Variants in MCUB observed in about 807,000 individuals in gnomAD.
The protein encoded by MCUB is calcium uniporter regulatory subunit MCUb, mitochondrial.
Under a neutral mutation model 41.4 loss-of-function variants are expected in MCUB, and 46 were observed. The observed-to-expected ratio is 1.11, with a 90% CI of 0.88 to 1.42. The LOEUF (loss-of-function observed/expected upper bound fraction) is 1.42. Ranked by LOEUF, MCUB falls within the 40% of genes most tolerant of loss-of-function variation. The pLI, the probability that MCUB is intolerant of heterozygous loss-of-function variation, is 0.00. For synonymous variants in MCUB, 148 were observed against 148.2 expected, an observed-to-expected ratio of 1.00 and a Z score of 0.01; for missense variants, 403 against 404.9, an observed-to-expected ratio of 1.00 and a Z score of 0.04.
intron 1 of MCUB, among the ~76,000 whole-genome samples, chr4:109,597,958 G>A (rs1238197932): frequency 6.7e-6 from 1 of 149,920 alleles, no homozygotes; most frequent in Non-Finnish European, 1.5e-5. Flanking sequence ...TCCCAGATGG[G>A]GCGGCGGGGC....
At chr4:109,658,914 T>G in intron 1 of MCUB, 97 bp from the exon 2 acceptor site, 1 of 772,392 alleles carries the variant, frequency 1.3e-6, no homozygotes, top group Non-Finnish European at 2.2e-6. Flanking sequence ...ATGCTTTTCA[T>G]ATAGTATTAA....
At chr4:109,654,727 C>T (rs563414704) in intron 1 of MCUB, among the ~76,000 whole-genome samples, 36 of 152,286 alleles carry the variant, frequency 2.4e-4, no homozygotes, top group African/African-American at 8.7e-4. Context: ...TTCTCAGTTA[C>T]TTCTTGTTTT....
intron 1 of MCUB, among the ~76,000 whole-genome samples, chr4:109,561,984 G>T (rs1021425235): frequency 1.4e-4 from 22 of 152,068 alleles, no homozygotes; most frequent in Non-Finnish European, 2.8e-4. Context: ...AACTCCTGAC[G>T]TTGTGATCCG....
At chr4:109,627,786 A>G (rs1202983444) in intron 1 of MCUB, among the ~76,000 whole-genome samples, 1 of 151,962 alleles carries the variant, frequency 6.6e-6, no homozygotes, top group Non-Finnish European at 1.5e-5. Flanking sequence ...GGTGGTGCGC[A>G]CCTGTAATCC....
chr4:109,624,815 T>G (rs548380051), intron 1 of MCUB, among the ~76,000 whole-genome samples: 3 of 152,122 alleles, frequency 2.0e-5, no homozygotes, highest in African/African-American at 7.2e-5. Flanking sequence ...CAGAGAAATA[T>G]ATAATGAAAA....
intron 1 of MCUB, among the ~76,000 whole-genome samples, chr4:109,606,213 A>T (rs1445357901): frequency 6.6e-6 from 1 of 151,996 alleles, no homozygotes; most frequent in African/African-American, 2.4e-5. Flanking sequence ...TGACCTCGTG[A>T]TCCACCCGCT....
In MCUB at chr4:109,688,571, A is replaced by C. The variant is rs1040229883; in HGVS notation, c.*979A>C. On this transcript the variant is annotated 3_prime_UTR_variant, in exon 8 of 8. Coordinates refer to ENST00000394650, the MANE Select transcript of MCUB (RefSeq NM_017918.5). ...AAACATTTAAATGACCGAGTAAAAAACATCTATCAATTACACAAATGAACA... is the reference window on the plus strand; with the variant it reads ...AAACATTTAAATGACCGAGTAAAAACCATCTATCAATTACACAAATGAACA... 1 of 152,230 alleles carries C rather than the reference A, an allele frequency of 6.6e-6. No individual in the cohort carries two copies. The highest frequency in any genetic ancestry group is 1.5e-5 in the Non-Finnish European group (1 of 68,038). The allele number at this position is 152,230 out of a possible 1,614,324, so 9.4% of individuals were successfully genotyped here. A position where few individuals can be genotyped will look rare whatever the true frequency, so the allele number is the denominator to read the frequency against.
chr4:109,569,256 C>T (rs1378138571), intron 1 of MCUB, among the ~76,000 whole-genome samples: 1 of 151,888 alleles, frequency 6.6e-6, no homozygotes, highest in Non-Finnish European at 1.5e-5. Flanking sequence ...CCATGTTAGC[C>T]AGGATGGTCT....
chr4:109,610,649 C>T (rs1178162062), intron 1 of MCUB, among the ~76,000 whole-genome samples: 1 of 152,090 alleles, frequency 6.6e-6, no homozygotes, highest in African/African-American at 2.4e-5. Context: ...CGTCTTTTAA[C>T]GGCAGGGATA....
chr4:109,604,309 C>CCTCT (rs1727820569), intron 1 of MCUB, among the ~76,000 whole-genome samples: 1 of 150,612 alleles, frequency 6.6e-6, no homozygotes, highest in Non-Finnish European at 1.5e-5. Flanking sequence ...GTCTGCTGAC[C>CCTCT]CTCTCTCCAC....
chr4:109,564,046 C>G (rs1726704052), intron 1 of MCUB, among the ~76,000 whole-genome samples: 1 of 152,182 alleles, frequency 6.6e-6, no homozygotes, highest in African/African-American at 2.4e-5. Context: ...CACAGCAAAG[C>G]TTTGTGAACC....
chr4:109,655,843 T>C (rs545003040), intron 1 of MCUB, among the ~76,000 whole-genome samples: 1 of 152,250 alleles, frequency 6.6e-6, no homozygotes, highest in African/African-American at 2.4e-5. Context: ...TCAGTTTACC[T>C]CTGGAGCTTA....
chr4:109,654,477 G>C (rs1231749433), intron 1 of MCUB, among the ~76,000 whole-genome samples: 1 of 152,100 alleles, frequency 6.6e-6, no homozygotes, highest in East Asian at 1.9e-4. Context: ...TGGGTGTCGT[G>C]GTGGGCGCCT....
intron 1 of MCUB, among the ~76,000 whole-genome samples, chr4:109,609,071 C>A (rs1044599779): frequency 2.5e-4 from 23 of 93,044 alleles, no homozygotes; most frequent in African/African-American, 5.8e-4. Flanking sequence ...TGGGATCTCT[C>A]TCTCTCTCTC....
rs185077918 is a variant in MCUB at position 109,653,707 on chromosome 4, G to T, written c.100-5304G>T. On this transcript the variant is annotated intron_variant, in intron 1 of 7. Coordinates refer to ENST00000394650, the MANE Select transcript of MCUB (RefSeq NM_017918.5). ...GTCTTCTGCCTCAGCCACCTGAGTA[G>T]CTGGGACTACAGGCCTGCACCCTAT... is the stretch of plus-strand genomic sequence containing the variant. 5.3e-5 allele frequency among the ~76,000 whole-genome samples: 8 copies of T among 152,240 alleles called. No individual in the cohort carries two copies. The East Asian group carries it at 1.5e-3, about 29-fold the overall frequency.
intron 2 of MCUB, 67 bp downstream of exon 2, chr4:109,659,153 G>T (rs950380497): frequency 3.1e-6 from 3 of 972,654 alleles, no homozygotes; most frequent in Admixed American, 4.0e-5. Context: ...ATAAAGAGCT[G>T]CGAGAGTTTT....
chr4:109,560,425 C>T lies in MCUB; in HGVS notation c.88C>T (p.Pro30Ser). ...CCCAGCGCGCCCGTGGCCGCTGCCG[C>T]CTCCGCCCCAGGTAAGAGCGGGTGC... ...WRPARPWPLP[P>S]PPQVLRVKLC... The change falls in exon 1 of 8, where the codon CCT becomes TCT. Residue 30 changes from proline to serine, a missense_variant. Transcript: ENST00000394650. 1 of 1,293,696 alleles carries T rather than the reference C, an allele frequency of 7.7e-7. No individual in the cohort carries two copies. The highest frequency in any genetic ancestry group is 9.8e-7 in the Non-Finnish European group (1 of 1,021,668). The allele number at this position is 1,293,696 out of a possible 1,614,324, so 80.1% of individuals were successfully genotyped here.
chr4:109,576,675 A>C (rs1186022543), intron 1 of MCUB, among the ~76,000 whole-genome samples: 1 of 152,108 alleles, frequency 6.6e-6, no homozygotes, highest in African/African-American at 2.4e-5. Context: ...GCCCACTTAG[A>C]TTAGGATAAT....
At chr4:109,653,511 C>G (rs1729010705) in intron 1 of MCUB, among the ~76,000 whole-genome samples, 1 of 152,120 alleles carries the variant, frequency 6.6e-6, no homozygotes, top group Non-Finnish European at 1.5e-5. Flanking sequence ...CGTGTTGCAC[C>G]TAGGAGAGTT....
Sources: gnomAD v4.1 joint callset for allele counts (sites outside exome capture counted in the v4.1 genomes callset) on GRCh38, gnomAD v4.1.1 for gene constraint, MANE v1.5 for transcripts, NCBI Gene and HGNC (gene_info 2026-07-23, HGNC 2026-07-21) for gene names.